The following CWC25 variants were observed in gnomAD, a reference collection of about 807,000 sequenced individuals.
The protein encoded by CWC25 is CWC25 spliceosome associated protein.
In CWC25, 31 loss-of-function variants were observed where a neutral mutation model predicts 54.6. The observed-to-expected ratio is 0.57, with a 90% CI of 0.43 to 0.77. The LOEUF (loss-of-function observed/expected upper bound fraction) is 0.77. Among genes scored for constraint, CWC25 ranks in the 30% least tolerant of loss-of-function variants. The probability of loss-of-function intolerance (pLI) is 0.00; values close to 1 mark genes in which losing one functional copy is unlikely to be tolerated. For synonymous variants in CWC25, 151 were observed against 187.0 expected (o/e 0.81, Z 1.57); for missense variants, 453 against 529.3 (o/e 0.86, Z 1.41).
At chr17:38,815,649 A>G in intron 2 of CWC25, 1 of 1,286,794 alleles carries the variant, frequency 7.8e-7, no homozygotes, top group Non-Finnish European at 1.0e-6. Context: ...AAGGAAAACC[A>G]GTGTTCCTCA....
At chr17:38,813,366 G>T (rs924891965) in intron 3 of CWC25, among the ~76,000 whole-genome samples, 2 of 150,194 alleles carry the variant, frequency 1.3e-5, no homozygotes, top group Non-Finnish European at 3.0e-5. Flanking sequence ...CTAGCTACTC[G>T]GGAGGCTGAC....
intron 3 of CWC25, among the ~76,000 whole-genome samples, 165 bp from the exon 4 acceptor site, chr17:38,813,029 G>A (rs544104188): frequency 5.5e-4 from 84 of 152,042 alleles, no homozygotes; most frequent in Middle Eastern, 3.4e-3. Flanking sequence ...GGGAGGAGGA[G>A]AATCGCTCCC....
Position 38,807,637 on chromosome 17 carries a change from T to A in CWC25, c.691-661A>T, listed in dbSNP as rs1173221548. Among the ~76,000 whole-genome samples, 2 of 137,474 alleles carry A rather than the reference T, an allele frequency of 1.5e-5. 1 individual carries two copies. Among genetic ancestry groups the A allele is most frequent in the Admixed American group, 1.6e-4 (2 of 12,570 alleles). 90.2% of individuals were successfully genotyped at this position (137,474 alleles called of 152,430 possible). On this transcript the variant is annotated intron_variant, in intron 6 of 9. Transcript: ENST00000614790. ...TCGGTGTGGCAGCACACGCCTGTAG[T>A]CCCAGCTACTCAGGAGGTTGAGGCA...
At chr17:38,813,925 G>A (rs1478774697) in intron 3 of CWC25, among the ~76,000 whole-genome samples, 5 of 152,064 alleles carry the variant, frequency 3.3e-5, no homozygotes, top group Admixed American at 6.6e-5. Context: ...GCAGTGGCGC[G>A]ATCTCAGGTC....
At chr17:38,808,151 A>G (rs61625267) in intron 6 of CWC25, among the ~76,000 whole-genome samples, 22,070 of 134,754 alleles carry the variant, frequency 0.16, 6,599 homozygotes, top group African/African-American at 0.51. Context: ...TTGGGAGGCC[A>G]AGACGGGCAG....
chr17:38,821,039 C>G lies in CWC25; in HGVS notation c.53G>C (p.Arg18Thr). ...GGCCTTCCACACTTTCTCCACATTC[C>G]TGAGGGTCTGCGGGTGCCAGCTCTT... The part of the protein sequence containing the change: ...LKKSWHPQTL[R>T]NVEKVWKAEQ... The change falls in exon 2 of 10, where the codon AGG becomes ACG. Residue 18 changes from arginine to threonine, a missense_variant. Physicochemically the swap from Arg to Thr is moderately conservative, Grantham distance 71 (BLOSUM62 -1). Around this residue, in one of 2 missense-constraint regions of CWC25, gnomAD observed 9 missense variants for 30.1 expected, o/e 0.30. Coordinates refer to ENST00000614790, the MANE Select transcript of CWC25 (RefSeq NM_017748.5). 6.2e-7 allele frequency: 1 copy of G among 1,613,900 alleles called. No homozygotes were observed. The highest frequency in any genetic ancestry group is 8.5e-7 in the Non-Finnish European group (1 of 1,179,880).
At chr17:38,809,862 G>C in intron 5 of CWC25, 97 bp from the exon 6 acceptor site, 1 of 1,135,514 alleles carries the variant, frequency 8.8e-7, no homozygotes, top group Non-Finnish European at 1.3e-6. Flanking sequence ...CCTCCAATGT[G>C]ACCTTTCCGC....
At chr17:38,824,683 AAAAAAAT>A (rs780799168) in intron 1 of CWC25, among the ~76,000 whole-genome samples, 7 of 151,980 alleles carry the variant, frequency 4.6e-5, no homozygotes, top group Non-Finnish European at 1.0e-4. Context: ...ACTCCGTCTC[AAAAAAAT>A]AAAAAATAAA....
intron 4 of CWC25, among the ~76,000 whole-genome samples, chr17:38,812,256 G>C (rs942831586): frequency 6.6e-6 from 1 of 151,850 alleles, no homozygotes; most frequent in East Asian, 1.9e-4. Flanking sequence ...TTTATACCAC[G>C]ACCAAGGGCA....
intron 2 of CWC25, chr17:38,815,693 G>A (rs1911668008): frequency 3.1e-6 from 4 of 1,277,794 alleles, no homozygotes; most frequent in Admixed American, 2.4e-5. Context: ...AGAGCTTCTC[G>A]AGTCTCCTTT....
chr17:38,810,920 CAAAAA>C (rs71352314), intron 4 of CWC25, among the ~76,000 whole-genome samples: 3 of 71,406 alleles, frequency 4.2e-5, no homozygotes, highest in Middle Eastern at 0.016. Flanking sequence ...AACTGTGTCT[CAAAAA>C]AAAAAAAAAA....
intron 2 of CWC25, 56 bp downstream of exon 2, chr17:38,820,845 C>A: frequency 1.3e-6 from 2 of 1,563,586 alleles, no homozygotes; most frequent in African/African-American, 1.4e-5. Context: ...GATGATGCAT[C>A]TCAGGACAGC....
rs202146970 is a variant in CWC25 at position 38,815,037 on chromosome 17, G to T, written c.252C>A (p.Asp84Glu). ...CAATGGGGCGCCCCAGCAGGTACTCGTCACGGTTCACCATCCCACCAGGAC... is the reference window on the plus strand; with the variant it reads ...CAATGGGGCGCCCCAGCAGGTACTCTTCACGGTTCACCATCCCACCAGGAC... ...YQGPGGMVNR[D>E]EYLLGRPIDK... Residue 84 changes from aspartate (D) to glutamate (E), a missense_variant, in exon 3 of 10, where the codon GAC (aspartate) becomes GAA (glutamate). Physicochemically the swap from Asp to Glu is conservative, Grantham distance 45 (BLOSUM62 2). This residue lies in a region of CWC25 where 444 missense variants were observed against 499.2 expected (regional missense o/e 0.89). Transcript: ENST00000614790. 6.2e-7 allele frequency: 1 copy of T among 1,613,808 alleles called. No homozygotes were observed. Among genetic ancestry groups the T allele is most frequent in the Non-Finnish European group, 8.5e-7 (1 of 1,179,902 alleles).
At chr17:38,816,252 C>CT (rs915951496) in intron 2 of CWC25, among the ~76,000 whole-genome samples, 71 of 151,930 alleles carry the variant, frequency 4.7e-4, no homozygotes, top group African/African-American at 1.6e-3. Context: ...CTTTTTTGTT[C>CT]TTTTTTTTCT....
At chr17:38,812,770 G>A in intron 4 of CWC25, 25 bp downstream of exon 4, 3 of 1,293,606 alleles carry the variant, frequency 2.3e-6, no homozygotes, top group East Asian at 5.1e-5. Context: ...AGATGCTCTT[G>A]GTGCTTATCT....
At chr17:38,816,557 A>G (rs1308917163) in intron 2 of CWC25, among the ~76,000 whole-genome samples, 1 of 151,906 alleles carries the variant, frequency 6.6e-6, no homozygotes, top group African/African-American at 2.4e-5. Flanking sequence ...CAACCTGAAT[A>G]TGACTTTTTA....
chr17:38,805,827 T>A (rs1911214757), intron 8 of CWC25, among the ~76,000 whole-genome samples: 1 of 151,964 alleles, frequency 6.6e-6, no homozygotes, highest in African/African-American at 2.4e-5. Context: ...TTTTTTTTTT[T>A]TTTGAGACAA....
intron 2 of CWC25, among the ~76,000 whole-genome samples, chr17:38,817,029 A>C (rs1911727500): frequency 6.6e-6 from 1 of 151,804 alleles, no homozygotes; most frequent in South Asian, 2.1e-4. Flanking sequence ...GAGTCTGAGA[A>C]ACACTGTAGT....
At chr17:38,816,834 G>A (rs575560239) in intron 2 of CWC25, among the ~76,000 whole-genome samples, 2 of 151,864 alleles carry the variant, frequency 1.3e-5, no homozygotes, top group African/African-American at 4.8e-5. Flanking sequence ...ATAGGCATGT[G>A]TCACCAAGAC....
Sources: allele counts gnomAD v4.1 joint callset (sites outside exome capture counted in the v4.1 genomes callset), GRCh38; gene constraint gnomAD v4.1.1; regional missense constraint gnomAD v4.1.1; transcripts MANE v1.5; gene names NCBI Gene and HGNC (gene_info 2026-07-23, HGNC 2026-07-21).